Variants in CPA5 observed in about 807,000 individuals in gnomAD.
The protein encoded by CPA5 is carboxypeptidase A5.
In CPA5, 38 loss-of-function variants were observed where a neutral mutation model predicts 52.2. The ratio of observed to expected loss-of-function variants is 0.73; its 90% confidence interval spans 0.56 to 0.95. CPA5 has a LOEUF of 0.95. CPA5 is among the 40% of genes least tolerant of loss of function. The pLI, the probability that CPA5 is intolerant of heterozygous loss-of-function variation, is 0.00. For synonymous variants in CPA5, 198 were observed against 213.7 expected (o/e 0.93, Z 0.64); for missense variants, 519 against 566.7 (o/e 0.92, Z 0.86).
At chr7:130,356,176 A>T (rs1468997085) in intron 5 of CPA5, among the ~76,000 whole-genome samples, 2 of 109,152 alleles carry the variant, frequency 1.8e-5, no homozygotes, top group Admixed American at 1.9e-4. Context: ...CTGTGGCTGG[A>T]GTTCGGCTGT....
At chr7:130,365,811 C>T (rs1191759708) in intron 10 of CPA5, among the ~76,000 whole-genome samples, 5 of 152,278 alleles carry the variant, frequency 3.3e-5, no homozygotes, top group African/African-American at 1.2e-4. Context: ...TCAACCTCCC[C>T]CCGCTCTGCG....
At chr7:130,347,920 C>T (rs1554402786) in intron 4 of CPA5, 73 bp downstream of exon 4, 2 of 1,230,332 alleles carry the variant, frequency 1.6e-6, no homozygotes, top group African/African-American at 3.0e-5. Flanking sequence ...CCTTGTCCTG[C>T]CCCCCTTTAT....
chr7:130,366,365 C>T (rs566984696), intron 10 of CPA5, among the ~76,000 whole-genome samples: 1 of 152,302 alleles, frequency 6.6e-6, no homozygotes, highest in Admixed American at 6.5e-5. Flanking sequence ...GGGATGACTC[C>T]TTCCAAGTGT....
chr7:130,353,111 T>G (rs527844475), intron 5 of CPA5, among the ~76,000 whole-genome samples: 1 of 152,008 alleles, frequency 6.6e-6, no homozygotes, highest in East Asian at 1.9e-4. Context: ...ATACAGTTAT[T>G]TCTCCCATTT....
At chr7:130,352,449 G>A (rs993301475) in intron 5 of CPA5, among the ~76,000 whole-genome samples, 3 of 152,012 alleles carry the variant, frequency 2.0e-5, no homozygotes, top group Non-Finnish European at 4.4e-5. Context: ...CATACAAGAG[G>A]CACTGCACGC....
chr7:130,368,304 G>T lies in CPA5; in HGVS notation c.1124-106G>T. On this transcript the variant is annotated intron_variant, in intron 12 of 12. Coordinates refer to ENST00000474905, the MANE Select transcript of CPA5 (RefSeq NM_080385.5). ...AGCCTGGTGTGGCCTGGGGTGGGTG[G>T]GGGTTTGGCTCCCAGGGCTCACTTT... The T allele has an allele frequency of 2.7e-6, 3 of 1,110,002 alleles. No homozygotes were observed. In the South Asian group the frequency reaches 4.4e-5, roughly 16 times the overall value. The allele number at this position is 1,110,002 out of a possible 1,614,324, so 68.8% of individuals were successfully genotyped here.
At chr7:130,354,193 G>T (rs1364783451) in intron 5 of CPA5, among the ~76,000 whole-genome samples, 1 of 152,130 alleles carries the variant, frequency 6.6e-6, no homozygotes, top group Non-Finnish European at 1.5e-5. Context: ...CTCCCAAAGT[G>T]CTGAAATTAC....
At chr7:130,369,784 A>T (rs528730309), downstream of CPA5, among the ~76,000 whole-genome samples, 3 of 152,330 alleles carry the variant, frequency 2.0e-5, no homozygotes, top group South Asian at 6.2e-4. Context: ...ATTTGTGTAG[A>T]AGGCATAAAA....
intron 5 of CPA5, among the ~76,000 whole-genome samples, chr7:130,352,214 G>A (rs1280459083): frequency 6.6e-6 from 1 of 152,114 alleles, no homozygotes; most frequent in Non-Finnish European, 1.5e-5. Flanking sequence ...TCAGAGGGAT[G>A]CTTGAGAAAC....
At position 130,361,951 on chromosome 7, in the gene CPA5, C is replaced by T. The variant is rs558281138; in HGVS notation, c.535-487C>T. Among the ~76,000 whole-genome samples the T allele has an allele frequency of 9.8e-5, 15 of 152,342 alleles. 1 individual carries two copies. In the South Asian group the frequency reaches 2.9e-3, roughly 29 times the overall value. ...CACCTAACTTGGGATTTGACTTAAC[C>T]TGTCCCTGCTTCCATTTCTCCAGGG... is the stretch of plus-strand genomic sequence containing the variant. On this transcript the variant is annotated intron_variant, in intron 7 of 12. Transcript: ENST00000474905.
intron 5 of CPA5, among the ~76,000 whole-genome samples, chr7:130,354,945 A>AGCT (rs1795387502): frequency 6.6e-6 from 1 of 152,088 alleles, no homozygotes. Context: ...TCTGTGGGTG[A>AGCT]GTGGCAGCTC....
chr7:130,351,167 C>T (rs782492083), intron 5 of CPA5, among the ~76,000 whole-genome samples: 2 of 152,174 alleles, frequency 1.3e-5, no homozygotes, highest in Non-Finnish European at 2.9e-5. Flanking sequence ...ATCTGTTTCC[C>T]GCTCAACGTG....
At chr7:130,373,177 C>G (rs1448271323), downstream of CPA5, among the ~76,000 whole-genome samples, 1 of 152,168 alleles carries the variant, frequency 6.6e-6, no homozygotes, top group African/African-American at 2.4e-5. Context: ...AGTTGTAGAG[C>G]TGCTACAGAA....
At chr7:130,364,709 G>A (rs1554407701) in intron 10 of CPA5, among the ~76,000 whole-genome samples, 1 of 152,216 alleles carries the variant, frequency 6.6e-6, no homozygotes, top group African/African-American at 2.4e-5. Flanking sequence ...TTATGACCCT[G>A]GTGCATACCT....
At chr7:130,363,329 G>T in intron 9 of CPA5, 90 bp from the exon 10 acceptor site, 1 of 1,093,904 alleles carries the variant, frequency 9.1e-7, no homozygotes, top group Non-Finnish European at 1.3e-6. Flanking sequence ...CCCCACTAGG[G>T]TCCCCTACCC....
At position 130,362,444 on chromosome 7, in the gene CPA5, A is replaced by G; in HGVS notation, c.541A>G (p.Thr181Ala). ...GCCCGATTCTTTTTCTCAGTTCAGC[A>G]CTGGAGGTTCTCGGCACCCAGCCAT... is the stretch of plus-strand genomic sequence containing the variant. The part of the protein sequence containing the change: ...NQSILVLKFS[T>A]GGSRHPAIWI... Residue 181 changes from threonine to alanine, a missense_variant, in exon 8 of 13, where the codon ACT becomes GCT. Thr to Ala is a moderately conservative substitution (Grantham distance 58). Coordinates refer to ENST00000474905, the MANE Select transcript of CPA5 (RefSeq NM_080385.5). The G allele has an allele frequency of 6.2e-7, 1 of 1,611,248 alleles. No individual in the cohort carries two copies. The highest frequency in any genetic ancestry group is 8.5e-7 in the Non-Finnish European group (1 of 1,177,726).
At chr7:130,374,298 C>A in the CPA5 span, among the ~76,000 whole-genome samples, 2 of 152,118 alleles carry the variant, frequency 1.3e-5, no homozygotes, top group Non-Finnish European at 2.9e-5. Flanking sequence ...TGAAGGAGAA[C>A]TCCAGCCTGC....
In CPA5 at chr7:130,363,016, GGAA is replaced by G. The variant is rs782412213; in HGVS notation, c.747+24_747+26del. 5 of 1,410,662 alleles carry G rather than the reference GGAA, an allele frequency of 3.5e-6. No individual in the cohort carries two copies. In the Admixed American group the frequency reaches 8.4e-5, roughly 24 times the overall value. The allele number at this position is 1,410,662 out of a possible 1,614,324, so 87.4% of individuals were successfully genotyped here. On this transcript the variant is annotated intron_variant, in intron 9 of 12. Coordinates refer to ENST00000474905, the MANE Select transcript of CPA5 (RefSeq NM_080385.5). The stretch of plus-strand genomic sequence containing the variant: ...CATGGTGAGGGAACCTGGGAAGGAT[GGAA>G]GGAGGGGGTCAGCTCTAGGGGGATG...
At chr7:130,358,161 T>A (rs960217471) in intron 5 of CPA5, among the ~76,000 whole-genome samples, 6 of 152,006 alleles carry the variant, frequency 3.9e-5, no homozygotes, top group Admixed American at 1.3e-4. Context: ...CCTGACTAAT[T>A]TTTTAATTTT....
Sources: gnomAD v4.1 joint callset for allele counts (sites outside exome capture counted in the v4.1 genomes callset) on GRCh38, gnomAD v4.1.1 for gene constraint, MANE v1.5 for transcripts, NCBI Gene and HGNC (gene_info 2026-07-23, HGNC 2026-07-21) for gene names.